The following TRAPPC4 variants were observed in gnomAD, a reference collection of about 807,000 sequenced individuals.
The protein encoded by TRAPPC4 is TRS23 homolog.
A neutral mutation model predicts 23.5 loss-of-function variants in TRAPPC4; 30 were observed. The ratio of observed to expected loss-of-function variants is 1.28; its 90% confidence interval spans 0.96 to 1.73. TRAPPC4 has a LOEUF of 1.73. Among genes scored for constraint, TRAPPC4 ranks in the 40% most tolerant of loss-of-function variants. The pLI, the probability that TRAPPC4 is intolerant of heterozygous loss-of-function variation, is 0.00. For synonymous variants in TRAPPC4, 129 were observed against 105.3 expected, an observed-to-expected ratio of 1.23 and a Z score of -1.38; for missense variants, 252 against 268.9, an observed-to-expected ratio of 0.94 and a Z score of 0.44.
chr11:119,021,773 G>C lies in TRAPPC4; in HGVS notation c.468G>C (p.Val156=). 1 of 1,614,074 alleles carries C rather than the reference G, an allele frequency of 6.2e-7. No individual in the cohort carries two copies. The highest frequency in any genetic ancestry group is 8.5e-7 in the Non-Finnish European group (1 of 1,179,984). Residue 156 remains valine (V), a synonymous_variant, in exon 4 of 5, where the codon GTG becomes GTC. Transcript: ENST00000533632. ...GTCTCTCTCCAGGGATCAAGTTTGT[G>C]GTTCTAGCAGATCCTAGGCAAGCTG... ...CYQTLTGIKF[V]VLADPRQAGI...
rs782795319 is a variant in TRAPPC4 at position 119,021,808 on chromosome 11, C to A, written c.503C>A (p.Ser168Tyr). The stretch of plus-strand genomic sequence containing the variant: ...GATCCTAGGCAAGCTGGAATAGATT[C>A]TCTTCTCCGAAAGATTTATGAGATT... ...LADPRQAGID[S>Y]LLRKIYEIYS... The change falls in exon 4 of 5, where the codon TCT becomes TAT. Residue 168 changes from serine to tyrosine, a missense_variant. By Grantham distance (144) the Ser-to-Tyr change is moderately radical (BLOSUM62 -2). Transcript: ENST00000533632. 1 of 1,614,088 alleles carries A rather than the reference C, an allele frequency of 6.2e-7. No individual in the cohort carries two copies. Among genetic ancestry groups the A allele is most frequent in the Admixed American group, 1.7e-5 (1 of 60,006 alleles).
At position 119,019,142 on chromosome 11, in the gene TRAPPC4, G is replaced by A; in HGVS notation, c.176-1G>A. Reference sequence around the variant, plus strand: ...GCTGACCGTTAGCTTCACCTCTGCAGTGGGTCATGCAGTGCTGGCCATCAA... The same window carrying A: ...GCTGACCGTTAGCTTCACCTCTGCAATGGGTCATGCAGTGCTGGCCATCAA... On this transcript the variant is annotated splice_acceptor_variant, in intron 1 of 4. Coordinates refer to ENST00000533632, the MANE Select transcript of TRAPPC4 (RefSeq NM_016146.6). LOFTEE classifies it high-confidence loss of function. 6.2e-7 allele frequency: 1 copy of A among 1,613,952 alleles called. No homozygotes were observed. Among genetic ancestry groups the A allele is most frequent in the Non-Finnish European group, 8.5e-7 (1 of 1,179,852 alleles).
At chr11:119,021,366 G>A (rs1164253552) in intron 3 of TRAPPC4, 1 of 176,262 alleles carries the variant, frequency 5.7e-6, no homozygotes, top group Non-Finnish European at 1.2e-5. Flanking sequence ...AAGGTGTTAA[G>A]TGTTTTTCCA....
At position 119,020,143 on chromosome 11, in the gene TRAPPC4, CAT is replaced by C. The variant is rs782310308; in HGVS notation, c.351-3_351-2del. The C allele has an allele frequency of 7.4e-6, 12 of 1,611,596 alleles. No individual in the cohort carries two copies. The highest frequency in any genetic ancestry group is 1.7e-4 in the Middle Eastern group (1 of 6,044). ...CCTTAGAGCAACTTTGCCTCCTTTG[CAT>C]ATAGGCTCTTTGCCATCGGCTCCCA... On this transcript the variant is annotated splice_polypyrimidine_tract_variant and splice_region_variant and intron_variant, in intron 2 of 4. Coordinates refer to ENST00000533632, the MANE Select transcript of TRAPPC4 (RefSeq NM_016146.6).
In TRAPPC4 at chr11:119,021,807, T is replaced by A. The variant is rs77881460; in HGVS notation, c.502T>A (p.Ser168Thr). The A allele has an allele frequency of 6.2e-7, 1 of 1,614,150 alleles. No individual in the cohort carries two copies. The highest frequency in any genetic ancestry group is 2.2e-5 in the East Asian group (1 of 44,880). The change falls in exon 4 of 5, where the codon TCT (serine) becomes ACT (threonine). Residue 168 changes from serine (S) to threonine (T), a missense_variant. Ser to Thr is a moderately conservative substitution (Grantham distance 58, BLOSUM62 1). Transcript: ENST00000533632. Reference protein sequence around the residue: ...LADPRQAGIDSLLRKIYEIYS... With the variant: ...LADPRQAGIDTLLRKIYEIYS... ...AGATCCTAGGCAAGCTGGAATAGAT[T>A]CTCTTCTCCGAAAGATTTATGAGAT...
chr11:119,021,934 C>T (rs1289509084), intron 4 of TRAPPC4, 48 bp downstream of exon 4: 16 of 1,605,860 alleles, frequency 1.0e-5, no homozygotes, highest in Non-Finnish European at 1.4e-5. Flanking sequence ...CCTTGCCCCT[C>T]CCTGTGTGCT....
In TRAPPC4 at chr11:119,019,207, A is replaced by G. The variant is rs782741858; in HGVS notation, c.240A>G (p.Lys80=). The G allele has an allele frequency of 4.3e-6, 7 of 1,614,114 alleles. No homozygotes were observed. In the Admixed American group the frequency reaches 5.0e-5, roughly 12 times the overall value. The change falls in exon 2 of 5, where the codon AAA becomes AAG. Residue 80 remains lysine (K), a synonymous_variant. Transcript: ENST00000533632. Reference sequence around the variant, plus strand: ...ATGGCAGGTACACGGCCGACGGGAAAGAGGTGCTGGAGTATCTGGGTAACC... The same window carrying G: ...ATGGCAGGTACACGGCCGACGGGAAGGAGGTGCTGGAGTATCTGGGTAACC... ...DVNGRYTADG[K]EVLEYLGNPA...
chr11:119,019,359 C>T (rs1017361875), intron 2 of TRAPPC4, 42 bp downstream of exon 2: 2 of 1,580,932 alleles, frequency 1.3e-6, no homozygotes, highest in Admixed American at 1.8e-5. Context: ...TGTAATTTGT[C>T]TACCTTTTCT....
intron 1 of TRAPPC4, 60 bp downstream of exon 1, chr11:119,019,030 G>A (rs1244512181): frequency 1.3e-6 from 2 of 1,593,936 alleles, no homozygotes; most frequent in South Asian, 1.1e-5. Context: ...TGCTGTAGAA[G>A]TGGGCTGGTT....
chr11:119,020,022 A>C (rs915700803), intron 2 of TRAPPC4, 128 bp from the exon 3 acceptor site: 9 of 573,402 alleles, frequency 1.6e-5, no homozygotes, highest in Admixed American at 1.5e-4. Flanking sequence ...CACTACTGCC[A>C]GTCAGTTCAC....
rs1943477425 is a variant in TRAPPC4, at chr11:119,024,127, T to TA, written c.*729dup. ...GTTACACTTCTTCCCTCCATCAAGT[T>TA]ATTTAATCTGTCCACAACCCAATAG... On this transcript the variant is annotated 3_prime_UTR_variant, in exon 5 of 5. Coordinates refer to ENST00000533632, the MANE Select transcript of TRAPPC4 (RefSeq NM_016146.6). 6.5e-6 allele frequency: 1 copy of TA among 153,032 alleles called. No individual in the cohort carries two copies. Among genetic ancestry groups the TA allele is most frequent in the African/African-American group, 2.4e-5 (1 of 41,446 alleles). 9.5% of individuals were successfully genotyped at this position (153,032 alleles called of 1,614,324 possible).
chr11:119,019,138 T>C lies in TRAPPC4; in HGVS notation c.176-5T>C, dbSNP rs1565679071. ...CTTCGCTGACCGTTAGCTTCACCTC[T>C]GCAGTGGGTCATGCAGTGCTGGCCA... On this transcript the variant is annotated splice_region_variant and splice_polypyrimidine_tract_variant and intron_variant, in intron 1 of 4. Transcript: ENST00000533632. 1 of 1,613,496 alleles carries C rather than the reference T, an allele frequency of 6.2e-7. No individual in the cohort carries two copies. The highest frequency in any genetic ancestry group is 8.5e-7 in the Non-Finnish European group (1 of 1,179,656).
intron 4 of TRAPPC4, among the ~76,000 whole-genome samples, chr11:119,022,170 G>T (rs1943378995): frequency 6.6e-6 from 1 of 152,152 alleles, no homozygotes; most frequent in African/African-American, 2.4e-5. Flanking sequence ...TTCTAGTAAA[G>T]ACAAGGTTTC....
rs781970335 is a variant in TRAPPC4 at position 119,023,331 on chromosome 11, T to C, written c.592T>C (p.Phe198Leu). Residue 198 changes from phenylalanine (F) to leucine (L), a missense_variant, in exon 5 of 5, where the codon TTT becomes CTT. By Grantham distance (22) the Phe-to-Leu change is conservative (BLOSUM62 0). Transcript: ENST00000533632. ...CTGGGCCCGGCTTAGGTGTGAGCTC[T>C]TTGACCAGAACCTGAAGCTAGCTCT... ...SLEMPIRCEL[F>L]DQNLKLALEV... 3.1e-6 allele frequency: 5 copies of C among 1,614,122 alleles called. No homozygotes were observed. The South Asian group carries it at 5.5e-5, about 18-fold the overall frequency.
chr11:119,021,854 G>A lies in TRAPPC4; in HGVS notation c.549G>A (p.Lys183=), dbSNP rs553176180. ...IYEIYSDFAL[K]NPFYSLEMPI... is the part of the protein sequence containing the mutation. ...AGATTTACTCAGACTTTGCCCTCAA[G>A]AATCCATTCTATTCCTTAGAAATGC... is the stretch of plus-strand genomic sequence containing the variant. Residue 183 remains lysine (K), a synonymous_variant, in exon 4 of 5, where the codon AAG becomes AAA. Coordinates refer to ENST00000533632, the MANE Select transcript of TRAPPC4 (RefSeq NM_016146.6). The A allele has an allele frequency of 2.1e-5, 34 of 1,614,150 alleles. No individual in the cohort carries two copies. The East Asian group carries it at 7.6e-4, about 36-fold the overall frequency.
intron 1 of TRAPPC4, 50 bp downstream of exon 1, chr11:119,019,020 T>G (rs928195470): frequency 1.3e-6 from 2 of 1,597,916 alleles, no homozygotes; most frequent in Non-Finnish European, 1.7e-6. Flanking sequence ...AGGGCCCCAG[T>G]GCTGTAGAAG....
chr11:119,018,896 A>C lies in TRAPPC4; in HGVS notation c.101A>C (p.Tyr34Ser). ...GCTGAGGCTGAGAAAACTTTCAGTT[A>C]TCCGCTGGATCTGCTGCTCAAGCTA... ...PRAEAEKTFS[Y>S]PLDLLLKLHD... Residue 34 changes from tyrosine to serine, a missense_variant, in exon 1 of 5, where the codon TAT (tyrosine) becomes TCT (serine). By Grantham distance (144) the Tyr-to-Ser change is moderately radical (BLOSUM62 -2). This residue lies in a region of TRAPPC4 where 222 missense variants were observed against 217.8 expected (regional missense o/e 1.02). Transcript: ENST00000533632. 6.2e-7 allele frequency: 1 copy of C among 1,614,110 alleles called. No individual in the cohort carries two copies. Among genetic ancestry groups the C allele is most frequent in the South Asian group, 1.1e-5 (1 of 91,086 alleles).
chr11:119,022,596 T>C (rs937331675), intron 4 of TRAPPC4, among the ~76,000 whole-genome samples: 6 of 149,812 alleles, frequency 4.0e-5, no homozygotes, highest in Non-Finnish European at 8.9e-5. Context: ...TCTAAATAAA[T>C]AAGACAACAG....
intron 3 of TRAPPC4, chr11:119,020,489 G>A (rs904254167): frequency 1.8e-5 from 7 of 397,572 alleles, no homozygotes; most frequent in Non-Finnish European, 3.3e-5. Context: ...GGCATGATCC[G>A]CCCCCTGGGT....
Sources: allele counts gnomAD v4.1 joint callset (sites outside exome capture counted in the v4.1 genomes callset), GRCh38; gene constraint gnomAD v4.1.1; regional missense constraint gnomAD v4.1.1; transcripts MANE v1.5; gene names NCBI Gene and HGNC (gene_info 2026-07-23, HGNC 2026-07-21).